GABRG2: variants seen among roughly 807,000 people sequenced by gnomAD.
GABRG2 encodes the protein gamma-aminobutyric acid type A receptor subunit gamma2.
In GABRG2, 16 loss-of-function variants were observed where a neutral mutation model predicts 56.4. The ratio of observed to expected loss-of-function variants is 0.28; its 90% CI spans 0.19 to 0.43. The LOEUF (loss-of-function observed/expected upper bound fraction) is 0.43. Among genes scored for constraint, GABRG2 ranks in the 20% least tolerant of loss-of-function variants. GABRG2 has a pLI of 1.00. For synonymous variants in GABRG2, 208 were observed against 205.5 expected, an observed-to-expected ratio of 1.01 and a Z score of -0.10; for missense variants, 327 against 582.7, an observed-to-expected ratio of 0.56 and a Z score of 4.52.
In GABRG2 at chr5:162,155,166, C is replaced by T. The variant is rs1372014431; in HGVS notation, c.*1798C>T. The T allele has an allele frequency of 6.6e-6, 1 of 152,388 alleles. No homozygotes were observed. Among genetic ancestry groups the T allele is most frequent in the South Asian group, 2.1e-4 (1 of 4,816 alleles). 9.4% of individuals were successfully genotyped at this position (152,388 alleles called of 1,614,324 possible). On this transcript the variant is annotated 3_prime_UTR_variant, in exon 10 of 10. Coordinates refer to ENST00000639213, the MANE Select transcript of GABRG2 (RefSeq NM_198904.4). ...ATGAATCTTGAAACACATTTAGCTG[C>T]CAGTTTTACAAACCTTTAATATATC... is the stretch of plus-strand genomic sequence containing the variant.
At chr5:162,077,175 C>T (rs1581301340) in intron 1 of GABRG2, among the ~76,000 whole-genome samples, 1 of 151,140 alleles carries the variant, frequency 6.6e-6, no homozygotes, top group East Asian at 2.0e-4. Flanking sequence ...TTCTTCTCTC[C>T]AATCCCTGCT....
chr5:162,146,759 G>C (rs1305446135), intron 7 of GABRG2, among the ~76,000 whole-genome samples: 2 of 152,188 alleles, frequency 1.3e-5, no homozygotes, highest in African/African-American at 4.8e-5. Context: ...AGGGCCAATG[G>C]TATTTATAAA....
chr5:162,124,327 C>CT (rs201894153), intron 6 of GABRG2, among the ~76,000 whole-genome samples: 1 of 151,674 alleles, frequency 6.6e-6, no homozygotes, highest in East Asian at 1.9e-4. Context: ...AAAGCATCAT[C>CT]TTTTTTACTG....
chr5:162,105,701 A>G (rs1054090885), intron 6 of GABRG2, among the ~76,000 whole-genome samples: 4 of 151,808 alleles, frequency 2.6e-5, no homozygotes, highest in Non-Finnish European at 5.9e-5. Flanking sequence ...AACTGCTGGG[A>G]TTACAGGCAA....
At chr5:162,112,245 C>G (rs1371822948) in intron 6 of GABRG2, among the ~76,000 whole-genome samples, 2 of 127,516 alleles carry the variant, frequency 1.6e-5, no homozygotes, top group South Asian at 5.8e-4. Context: ...TCAAAACCAA[C>G]CAGATCAAAA....
chr5:162,116,110 ATG>A (rs34083256), intron 6 of GABRG2, among the ~76,000 whole-genome samples: 7,246 of 126,954 alleles, frequency 0.057, 210 homozygotes, highest in African/African-American at 0.077. Flanking sequence ...GTGTGCGTGC[ATG>A]TGTGTGTGTG....
chr5:162,130,229 A>G (rs1218351137), intron 6 of GABRG2, among the ~76,000 whole-genome samples: 1 of 151,974 alleles, frequency 6.6e-6, no homozygotes, highest in African/African-American at 2.4e-5. Flanking sequence ...ATAGTTGAAA[A>G]TCGAGTGCTT....
intron 6 of GABRG2, among the ~76,000 whole-genome samples, chr5:162,133,859 C>T (rs1205779683): frequency 6.6e-6 from 1 of 152,104 alleles, no homozygotes; most frequent in Non-Finnish European, 1.5e-5. Context: ...ACTGAGCTTT[C>T]TTTCATCTAA....
At chr5:162,111,980 C>T (rs942551081) in intron 6 of GABRG2, among the ~76,000 whole-genome samples, 11 of 151,982 alleles carry the variant, frequency 7.2e-5, no homozygotes, top group Non-Finnish European at 1.5e-4. Context: ...GCAATTATAT[C>T]GTTTCATTTT....
chr5:162,148,713 T>A (rs1180092316), intron 7 of GABRG2, among the ~76,000 whole-genome samples: 1 of 152,218 alleles, frequency 6.6e-6, no homozygotes, highest in African/African-American at 2.4e-5. Context: ...TCTTACATTT[T>A]AAGCTTTACT....
intron 1 of GABRG2, among the ~76,000 whole-genome samples, chr5:162,085,267 C>T (rs887783673): frequency 2.1e-4 from 32 of 151,876 alleles, no homozygotes; most frequent in African/African-American, 7.5e-4. Flanking sequence ...TTAAGTGGAA[C>T]GAGGTCATCA....
At chr5:162,123,408 T>C (rs112183470) in intron 6 of GABRG2, among the ~76,000 whole-genome samples, 20 of 151,916 alleles carry the variant, frequency 1.3e-4, no homozygotes, top group East Asian at 3.9e-4. Flanking sequence ...ATGATGATGG[T>C]ATTGTCATAC....
intron 1 of GABRG2, among the ~76,000 whole-genome samples, chr5:162,077,586 TC>T (rs1561635808): frequency 6.6e-6 from 1 of 152,226 alleles, no homozygotes; most frequent in Non-Finnish European, 1.5e-5. Context: ...TTACTTTAAG[TC>T]ATTGCAACCT....
At chr5:162,140,683 C>T (rs574141096) in intron 6 of GABRG2, among the ~76,000 whole-genome samples, 2 of 152,146 alleles carry the variant, frequency 1.3e-5, no homozygotes, top group Admixed American at 6.5e-5. Context: ...AAAGAAGCAA[C>T]ATTTGAAAAG....
intron 1 of GABRG2, among the ~76,000 whole-genome samples, chr5:162,070,407 G>T (rs1758578327): frequency 1.3e-5 from 2 of 151,946 alleles, no homozygotes; most frequent in African/African-American, 4.8e-5. Context: ...TTATAAAGTT[G>T]ATCCTGAGGA....
At chr5:162,077,392 A>G (rs1239235540) in intron 1 of GABRG2, among the ~76,000 whole-genome samples, 2 of 152,106 alleles carry the variant, frequency 1.3e-5, no homozygotes, top group Non-Finnish European at 2.9e-5. Flanking sequence ...CAGTGCATTT[A>G]CCCAGTATCC....
At chr5:162,087,372 C>T (rs1285523473) in intron 1 of GABRG2, among the ~76,000 whole-genome samples, 3 of 152,196 alleles carry the variant, frequency 2.0e-5, no homozygotes, top group South Asian at 4.1e-4. Context: ...ATCATTTTCT[C>T]ATTCTCTAGC....
chr5:162,150,855 A>G (rs1284370559), intron 8 of GABRG2: 1 of 152,208 alleles, frequency 6.6e-6, no homozygotes, highest in Non-Finnish European at 1.5e-5. Context: ...AATATTTACA[A>G]TGCTTTATGC....
chr5:162,153,447 A>T lies in GABRG2; in HGVS notation c.*79A>T. The T allele has an allele frequency of 6.8e-7, 1 of 1,465,324 alleles. No homozygotes were observed. The highest frequency in any genetic ancestry group is 9.6e-7 in the Non-Finnish European group (1 of 1,046,294). 90.8% of individuals were successfully genotyped at this position (1,465,324 alleles called of 1,614,324 possible). ...TGTCTGTTCTAAGTCCACTTAAATA[A>T]TCCTCTATGTGGTTGATAATGATCT... On this transcript the variant is annotated 3_prime_UTR_variant, in exon 10 of 10. Coordinates refer to ENST00000639213, the MANE Select transcript of GABRG2 (RefSeq NM_198904.4).
Sources: allele counts gnomAD v4.1 joint callset (sites outside exome capture counted in the v4.1 genomes callset), GRCh38; gene constraint gnomAD v4.1.1; transcripts MANE v1.5; gene names NCBI Gene and HGNC (gene_info 2026-07-23, HGNC 2026-07-21).